The following UBE2D2 variants were observed in gnomAD, a reference collection of about 807,000 sequenced individuals.
UBE2D2 encodes the protein ubiquitin-conjugating enzyme E2 D2.
A neutral mutation model predicts 24.2 loss-of-function variants in UBE2D2; 2 were observed. That is an observed-to-expected ratio of 0.08 (90% CI 0.03 to 0.26). The LOEUF is 0.26. Among genes scored for constraint, UBE2D2 ranks in the 10% least tolerant of loss-of-function variants. The pLI, the probability that UBE2D2 is intolerant of heterozygous loss-of-function variation, is 1.00. For synonymous variants in UBE2D2, 58 were observed against 56.5 expected (o/e 1.03, Z -0.12); for missense variants, 44 against 177.6 (o/e 0.25, Z 4.28).
chr5:139,582,950 G>A (rs1284322395), intron 1 of UBE2D2, among the ~76,000 whole-genome samples: 1 of 150,910 alleles, frequency 6.6e-6, no homozygotes, highest in Non-Finnish European at 1.5e-5. Context: ...GATTACAGGC[G>A]TGAGCCACTG....
chr5:139,579,598 GT>G (rs1021951508), intron 1 of UBE2D2, among the ~76,000 whole-genome samples: 1 of 151,920 alleles, frequency 6.6e-6, no homozygotes, highest in Non-Finnish European at 1.5e-5. Context: ...CCTCAGCTAT[GT>G]TTTTTTTAAA....
rs188968917 is a variant in UBE2D2, at chr5:139,568,173, G to A, written c.24+6358G>A. 2.3e-3 allele frequency among the ~76,000 whole-genome samples: 343 copies of A among 151,626 alleles called. 2 individuals are homozygous for A. Among genetic ancestry groups the A allele is most frequent in the African/African-American group, 7.7e-3 (319 of 41,368 alleles). On this transcript the variant is annotated intron_variant, in intron 1 of 6. Transcript: ENST00000398733. ...AGCCTGCCCAATATGGTGAAACCCTGTCTCTACTAAAAATACAAAAATTAG... is the reference window on the plus strand; with the variant it reads ...AGCCTGCCCAATATGGTGAAACCCTATCTCTACTAAAAATACAAAAATTAG...
In UBE2D2 at chr5:139,561,688, T is replaced by G. The variant is rs1753100109; in HGVS notation, c.-104T>G. The G allele has an allele frequency of 1.1e-6, 1 of 908,124 alleles. No homozygotes were observed. The highest frequency in any genetic ancestry group is 1.6e-6 in the Non-Finnish European group (1 of 638,146). The allele number at this position is 908,124 out of a possible 1,614,324, so 56.3% of individuals were successfully genotyped here. ...CTTTCCTCAACTCTCCATCTTCTCC[T>G]GCCGACCGAGATCGCCGAGGCGGCC... On this transcript the variant is annotated 5_prime_UTR_variant, in exon 1 of 7. Coordinates refer to ENST00000398733, the MANE Select transcript of UBE2D2 (RefSeq NM_003339.3).
chr5:139,606,024 C>T (rs1561517978), intron 2 of UBE2D2, among the ~76,000 whole-genome samples: 2 of 152,194 alleles, frequency 1.3e-5, no homozygotes, highest in South Asian at 4.2e-4. Flanking sequence ...ATTGCAGCTG[C>T]GAGCTACCGC....
At chr5:139,566,340 C>T (rs983832298) in intron 1 of UBE2D2, among the ~76,000 whole-genome samples, 4 of 151,462 alleles carry the variant, frequency 2.6e-5, no homozygotes, top group Non-Finnish European at 5.9e-5. Context: ...TCTTTTAAGG[C>T]GTCTCAAGAC....
At chr5:139,607,522 C>G (rs1754225115) in intron 2 of UBE2D2, among the ~76,000 whole-genome samples, 1 of 152,092 alleles carries the variant, frequency 6.6e-6, no homozygotes, top group Non-Finnish European at 1.5e-5. Flanking sequence ...GGAATTTGAC[C>G]TTAATAACAG....
chr5:139,588,961 T>C (rs111972437), intron 1 of UBE2D2, among the ~76,000 whole-genome samples: 6 of 152,204 alleles, frequency 3.9e-5, no homozygotes, highest in African/African-American at 1.4e-4. Flanking sequence ...GCCCAGCTGA[T>C]TTTTAAATGT....
At chr5:139,622,634 A>T (rs1458030506) in intron 5 of UBE2D2, among the ~76,000 whole-genome samples, 1 of 151,346 alleles carries the variant, frequency 6.6e-6, no homozygotes, top group African/African-American at 2.4e-5. Flanking sequence ...TCACGCCTGT[A>T]ATCCCAGCAC....
At chr5:139,614,653 A>G in intron 3 of UBE2D2, 36 bp downstream of exon 3, 12 of 1,613,872 alleles carry the variant, frequency 7.4e-6, no homozygotes, top group Non-Finnish European at 1.0e-5. Flanking sequence ...TAAACAGTTT[A>G]TGTAATTTAC....
intron 1 of UBE2D2, among the ~76,000 whole-genome samples, chr5:139,542,645 A>T (rs554669740): frequency 2.1e-4 from 32 of 152,198 alleles, no homozygotes; most frequent in South Asian, 6.2e-4. Context: ...TTTGACAAAT[A>T]AAAGTTCTTT....
At chr5:139,557,748 A>G (rs905825713), upstream of UBE2D2, among the ~76,000 whole-genome samples, 2 of 152,064 alleles carry the variant, frequency 1.3e-5, no homozygotes, top group African/African-American at 4.8e-5. Context: ...GTCTGTCTCA[A>G]TAAATAAATA....
intron 1 of UBE2D2, among the ~76,000 whole-genome samples, chr5:139,546,164 CT>C (rs1455926707): frequency 1.3e-5 from 2 of 152,110 alleles, no homozygotes; most frequent in Non-Finnish European, 2.9e-5. Context: ...CTGCCTCAAC[CT>C]CCCAAGTAGC....
chr5:139,562,712 GT>G (rs1256540520), intron 1 of UBE2D2, among the ~76,000 whole-genome samples: 2 of 152,102 alleles, frequency 1.3e-5, no homozygotes, highest in East Asian at 3.8e-4. Context: ...GCTCTTTAAA[GT>G]GAAGGGTTAT....
intron 1 of UBE2D2, among the ~76,000 whole-genome samples, chr5:139,582,365 TGAC>T (rs1193327966): frequency 6.6e-6 from 1 of 151,458 alleles, no homozygotes; most frequent in Non-Finnish European, 1.5e-5. Flanking sequence ...TGGTTTCAGG[TGAC>T]GTCCAGCTAA....
chr5:139,612,679 T>C (rs547991122), intron 2 of UBE2D2, among the ~76,000 whole-genome samples: 2 of 152,238 alleles, frequency 1.3e-5, no homozygotes, highest in African/African-American at 4.8e-5. Flanking sequence ...TTATTGGGGG[T>C]TGTTAATTCT....
intron 1 of UBE2D2, among the ~76,000 whole-genome samples, chr5:139,579,879 C>T (rs1753556508): frequency 6.6e-6 from 1 of 151,882 alleles, no homozygotes; most frequent in Admixed American, 6.6e-5. Context: ...AACCCTGTCT[C>T]TACTAAAGAT....
intron 1 of UBE2D2, among the ~76,000 whole-genome samples, chr5:139,577,219 G>C (rs1581503929): frequency 6.6e-6 from 1 of 151,886 alleles, no homozygotes; most frequent in Non-Finnish European, 1.5e-5. Flanking sequence ...TCCATGAAAA[G>C]TATTACTTTT....
chr5:139,581,724 A>G (rs549200388), intron 1 of UBE2D2, among the ~76,000 whole-genome samples: 6 of 152,094 alleles, frequency 3.9e-5, no homozygotes, highest in Non-Finnish European at 8.8e-5. Flanking sequence ...GCTGGAGTGC[A>G]GTGGTGCAGT....
At chr5:139,526,288 AGCC>A (rs1752536061), upstream of UBE2D2, 1 of 152,232 alleles carries the variant, frequency 6.6e-6, no homozygotes. Context: ...AGCTGAATAA[AGCC>A]CTTCCTTCTA....
Sources: gnomAD v4.1 joint callset for allele counts (sites outside exome capture counted in the v4.1 genomes callset) on GRCh38, gnomAD v4.1.1 for gene constraint, MANE v1.5 for transcripts, NCBI Gene and HGNC (gene_info 2026-07-23, HGNC 2026-07-21) for gene names.